ADAM9: variants seen among roughly 807,000 people sequenced by gnomAD.
ADAM9 encodes disintegrin and metalloproteinase domain-containing protein 9.
In ADAM9, 54 loss-of-function variants were observed where a neutral mutation model predicts 108.1. The ratio of observed to expected loss-of-function variants is 0.50; its 90% confidence interval spans 0.40 to 0.63. The LOEUF is 0.63. Among genes scored for constraint, ADAM9 ranks in the 20% least tolerant of loss-of-function variants. The pLI, the probability that ADAM9 is intolerant of heterozygous loss-of-function variation, is 0.00. For missense variants in ADAM9, 830 were observed against 997.7 expected, an observed-to-expected ratio of 0.83 and a Z score of 2.26; for synonymous variants, 316 against 336.0, an observed-to-expected ratio of 0.94 and a Z score of 0.65.
At chr8:39,045,869 C>T (rs1305831030) in intron 12 of ADAM9, among the ~76,000 whole-genome samples, 1 of 151,316 alleles carries the variant, frequency 6.6e-6, no homozygotes, top group Non-Finnish European at 1.5e-5. Flanking sequence ...GCATCTGCAC[C>T]AAGATCAGCC....
chr8:39,055,911 C>A, intron 14 of ADAM9, 139 bp downstream of exon 14: 2 of 851,196 alleles, frequency 2.3e-6, no homozygotes, highest in Non-Finnish European at 3.6e-6. Context: ...TCTTTGGAGG[C>A]AGTCATGATC....
intron 12 of ADAM9, among the ~76,000 whole-genome samples, chr8:39,044,813 T>A (rs1428677111): frequency 6.6e-6 from 1 of 152,090 alleles, no homozygotes; most frequent in Non-Finnish European, 1.5e-5. Context: ...ATGATTTCAT[T>A]CTTTTTTATG....
rs957547162 is a variant in ADAM9, at chr8:39,097,358, G to C, written c.2299-4505G>C. 1.1e-4 allele frequency among the ~76,000 whole-genome samples: 16 copies of C among 151,504 alleles called. 1 individual carries two copies. The highest frequency in any genetic ancestry group is 3.9e-4 in the Admixed American group (6 of 15,212). ...GTCTTTCTCGGTTGCCCAGGCTGGAGTGCAGTGGTGCCATCTCGGCTCATT... is the reference window on the plus strand; with the variant it reads ...GTCTTTCTCGGTTGCCCAGGCTGGACTGCAGTGGTGCCATCTCGGCTCATT... On this transcript the variant is annotated intron_variant, in intron 20 of 21. Transcript: ENST00000487273.
intron 11 of ADAM9, among the ~76,000 whole-genome samples, chr8:39,030,315 G>A (rs542126257): frequency 7.9e-5 from 12 of 151,824 alleles, no homozygotes; most frequent in African/African-American, 1.7e-4. Context: ...CCATAGTTTC[G>A]TGTTTTCCAG....
At chr8:39,096,335 AGC>A (rs1328639693) in intron 20 of ADAM9, among the ~76,000 whole-genome samples, 5 of 126,050 alleles carry the variant, frequency 4.0e-5, no homozygotes, top group East Asian at 3.0e-4. Flanking sequence ...CATATTCTAT[AGC>A]ACATATATTG....
intron 6 of ADAM9, among the ~76,000 whole-genome samples, chr8:39,017,784 G>T (rs1836589402): frequency 1.3e-5 from 2 of 151,856 alleles, no homozygotes; most frequent in Non-Finnish European, 2.9e-5. Flanking sequence ...GTAGAGATGA[G>T]GTCTCATTAC....
At chr8:39,000,533 A>G (rs546560385) in intron 1 of ADAM9, among the ~76,000 whole-genome samples, 1 of 151,460 alleles carries the variant, frequency 6.6e-6, no homozygotes, top group Non-Finnish European at 1.5e-5. Flanking sequence ...ACAGTCATAG[A>G]TCACTGTAAC....
At chr8:39,082,109 G>T (rs913574657) in intron 16 of ADAM9, among the ~76,000 whole-genome samples, 1 of 152,008 alleles carries the variant, frequency 6.6e-6, no homozygotes, top group Admixed American at 6.6e-5. Flanking sequence ...GCTTTTAATA[G>T]AAATATCTAA....
At chr8:39,017,014 G>T in intron 5 of ADAM9, 1 of 578,224 alleles carries the variant, frequency 1.7e-6, no homozygotes, top group South Asian at 2.0e-5. Context: ...TGACTTACAG[G>T]CAGTGACGCT....
intron 8 of ADAM9, among the ~76,000 whole-genome samples, chr8:39,022,293 A>C (rs1588344633): frequency 6.6e-6 from 1 of 152,286 alleles, no homozygotes; most frequent in East Asian, 1.9e-4. Flanking sequence ...ACACTGAGCT[A>C]AGTGCTTTAC....
intron 12 of ADAM9, among the ~76,000 whole-genome samples, chr8:39,051,030 G>A (rs562812241): frequency 4.6e-5 from 7 of 152,042 alleles, no homozygotes; most frequent in Admixed American, 2.0e-4. Context: ...AAATTGTAGC[G>A]TTGGATGTGT....
chr8:39,088,108 T>C (rs1314937192), intron 18 of ADAM9, among the ~76,000 whole-genome samples: 2 of 151,980 alleles, frequency 1.3e-5, no homozygotes, highest in Admixed American at 1.3e-4. Flanking sequence ...TAGAGTAGGC[T>C]GAGGAGGAGG....
chr8:39,054,602 GAAAAAA>G (rs755442483), intron 13 of ADAM9, 29 bp downstream of exon 13: 188 of 945,832 alleles, frequency 2.0e-4, no homozygotes, highest in African/African-American at 3.9e-4. Flanking sequence ...TTGGAAACAG[GAAAAAA>G]AAAAAAAAAA....
In ADAM9 at chr8:39,090,186, T is replaced by C; in HGVS notation, c.2208T>C (p.Tyr736=). The change falls in exon 19 of 22, where the codon TAT becomes TAC. Residue 736 remains tyrosine, a splice_region_variant and synonymous_variant. Transcript: ENST00000487273. Reference sequence around the variant, plus strand: ...TCAGAAAGAAGAGATCACAAACATATGAGTACTTAGATTTTTTTCTTTTAA... The same window carrying C: ...TCAGAAAGAAGAGATCACAAACATACGAGTACTTAGATTTTTTTCTTTTAA... ...SYFRKKRSQT[Y]ESDGKNQANP... 6 of 1,612,592 alleles carry C rather than the reference T, an allele frequency of 3.7e-6. No individual in the cohort carries two copies. The highest frequency in any genetic ancestry group is 1.7e-5 in the Admixed American group (1 of 59,912).
intron 20 of ADAM9, among the ~76,000 whole-genome samples, chr8:39,096,057 C>T (rs1839491280): frequency 7.1e-6 from 1 of 141,018 alleles, no homozygotes; most frequent in Admixed American, 7.6e-5. Context: ...TTGCTGCATT[C>T]TTTTGTATTT....
chr8:39,001,372 A>G lies in ADAM9; in HGVS notation c.97+4212A>G, dbSNP rs538641129. 3.9e-5 allele frequency among the ~76,000 whole-genome samples: 6 copies of G among 152,374 alleles called. No individual in the cohort carries two copies. The East Asian group carries it at 9.6e-4, about 24-fold the overall frequency. On this transcript the variant is annotated intron_variant, in intron 1 of 21. Coordinates refer to ENST00000487273, the MANE Select transcript of ADAM9 (RefSeq NM_003816.3). ...TTAGCTGTAACCATCAGAAGAGGTT[A>G]TTTATTCAACACATATTTTATTGAA...
At chr8:39,019,555 ATAATAC>A in intron 7 of ADAM9, among the ~76,000 whole-genome samples, 1 of 152,340 alleles carries the variant, frequency 6.6e-6, no homozygotes, top group East Asian at 1.9e-4. Context: ...TTATTGATAT[ATAATAC>A]TTCACATGTT....
intron 11 of ADAM9, among the ~76,000 whole-genome samples, chr8:39,035,890 C>T (rs146306321): frequency 8.6e-4 from 131 of 152,210 alleles, no homozygotes; most frequent in African/African-American, 3.0e-3. Flanking sequence ...CTAGGTAATA[C>T]ATATTTTTTT....
intron 16 of ADAM9, among the ~76,000 whole-genome samples, chr8:39,080,113 T>G (rs1202230999): frequency 6.6e-6 from 1 of 152,114 alleles, no homozygotes; most frequent in African/African-American, 2.4e-5. Context: ...TATTTGTGTG[T>G]GGGGTGTGTG....
Sources: gnomAD v4.1 joint callset for allele counts (sites outside exome capture counted in the v4.1 genomes callset) on GRCh38, gnomAD v4.1.1 for gene constraint, MANE v1.5 for transcripts, NCBI Gene and HGNC (gene_info 2026-07-23, HGNC 2026-07-21) for gene names.